FAT1: variants seen among roughly 807,000 people sequenced by gnomAD.
FAT1 encodes protocadherin Fat 1.
A neutral mutation model predicts 329.8 loss-of-function variants in FAT1; 171 were observed. The ratio of observed to expected loss-of-function variants is 0.52; its 90% CI spans 0.46 to 0.59. The LOEUF (loss-of-function observed/expected upper bound fraction) is 0.59, where lower values mean the gene tolerates loss of function less well. FAT1 is among the 20% of genes least tolerant of loss of function. The probability of loss-of-function intolerance (pLI) is 0.00; values close to 1 mark genes in which losing one functional copy is unlikely to be tolerated. For missense variants in FAT1, 5,672 were observed against 5,774.4 expected (o/e 0.98, Z 0.57); for synonymous variants, 2,233 against 2,228.6 (o/e 1.00, Z -0.06).
intron 26 of FAT1, among the ~76,000 whole-genome samples, chr4:186,590,977 C>A (rs1375507795): frequency 6.6e-6 from 1 of 152,234 alleles, no homozygotes; most frequent in African/African-American, 2.4e-5. Context: ...CCTAAAGAGA[C>A]CACGGCTACA....
Position 186,709,662 on chromosome 4 carries a change from G to A in FAT1, c.166C>T (p.Pro56Ser), listed in dbSNP as rs373030986. 1.2e-6 allele frequency: 2 copies of A among 1,613,826 alleles called. No homozygotes were observed. Among genetic ancestry groups the A allele is most frequent in the African/African-American group, 2.7e-5 (2 of 74,894 alleles). The change falls in exon 2 of 27, where the codon CCT becomes TCT. Residue 56 changes from proline (P) to serine (S), a missense_variant. Coordinates refer to ENST00000441802, the MANE Select transcript of FAT1 (RefSeq NM_005245.4). ...GTAATGTAAACACCCATCTTGACAG[G>A]ATGCCCCACATAAGTCTTAGCTGCA... ...NSAAKTYVGH[P>S]VKMGVYITHP...
intron 2 of FAT1, among the ~76,000 whole-genome samples, chr4:186,701,924 C>A (rs1390122601): frequency 3.9e-5 from 6 of 152,242 alleles, no homozygotes; most frequent in African/African-American, 1.4e-4. Context: ...AACGCACTCA[C>A]CTGTGTGCAC....
rs777478965 is a variant in FAT1 at position 186,620,761 on chromosome 4, G to A, written c.5825C>T (p.Thr1942Ile). The part of the protein sequence containing the change: ...KTGALTVQNT[T>I]QLRSRYELTV... Reference sequence around the variant, plus strand: ...TAGCTCGTAGCGGCTTCTTAACTGAGTTGTGTTTTGGACAGTGAGAGCACC... The same window carrying A: ...TAGCTCGTAGCGGCTTCTTAACTGAATTGTGTTTTGGACAGTGAGAGCACC... The change falls in exon 10 of 27, where the codon ACT (threonine) becomes ATT (isoleucine). Residue 1942 changes from threonine (T) to isoleucine (I), a missense_variant. Transcript: ENST00000441802. 8 of 1,613,910 alleles carry A rather than the reference G, an allele frequency of 5.0e-6. No individual in the cohort carries two copies. In the South Asian group the frequency reaches 7.7e-5, roughly 16 times the overall value.
intron 2 of FAT1, among the ~76,000 whole-genome samples, chr4:186,679,738 G>A (rs922049758): frequency 6.6e-6 from 1 of 152,182 alleles, no homozygotes; most frequent in Admixed American, 6.5e-5. Context: ...TTTAGAAGAT[G>A]ATTTTTGAAA....
At chr4:186,630,412 AG>A (rs1438224187) in intron 7 of FAT1, among the ~76,000 whole-genome samples, 5 of 152,176 alleles carry the variant, frequency 3.3e-5, no homozygotes, top group African/African-American at 1.2e-4. Context: ...GATACAGTAA[AG>A]GAGCAAGAAG....
At chr4:186,703,593 C>T (rs548559334) in intron 2 of FAT1, among the ~76,000 whole-genome samples, 42 of 152,320 alleles carry the variant, frequency 2.8e-4, no homozygotes, top group Middle Eastern at 3.4e-3. Flanking sequence ...GTCCCCAGAG[C>T]CACAGCACTC....
chr4:186,628,013 TA>T, intron 9 of FAT1, 140 bp downstream of exon 9: 3 of 922,420 alleles, frequency 3.3e-6, no homozygotes, highest in Non-Finnish European at 4.8e-6. Flanking sequence ...TCCTAACATG[TA>T]AAATTGTATC....
chr4:186,702,481 T>C (rs1660834763), intron 2 of FAT1, among the ~76,000 whole-genome samples: 1 of 152,214 alleles, frequency 6.6e-6, no homozygotes, highest in Admixed American at 6.5e-5. Flanking sequence ...TACTCTAGAC[T>C]GAAGGTCAAA....
chr4:186,720,645 G>T (rs1745431402), intron 1 of FAT1, among the ~76,000 whole-genome samples: 2 of 152,074 alleles, frequency 1.3e-5, no homozygotes, highest in Admixed American at 1.3e-4. Flanking sequence ...TTATCACACT[G>T]GTCTATAAGA....
At chr4:186,601,514 AT>A in intron 20 of FAT1, 88 bp from the exon 21 acceptor site, 1 of 1,029,842 alleles carries the variant, frequency 9.7e-7, no homozygotes, top group Non-Finnish European at 1.4e-6. Context: ...CTTGAGACTG[AT>A]TTAGGGTTTT....
In FAT1 at chr4:186,611,439, T is replaced by C. The variant is rs1739437000; in HGVS notation, c.9800A>G (p.Tyr3267Cys). The C allele has an allele frequency of 6.2e-7, 1 of 1,613,756 alleles. No homozygotes were observed. The highest frequency in any genetic ancestry group is 8.5e-7 in the Non-Finnish European group (1 of 1,179,816). Residue 3267 changes from tyrosine (Y) to cysteine (C), a missense_variant, in exon 14 of 27, where the codon TAC (tyrosine) becomes TGC (cysteine). By Grantham distance (194) the Tyr-to-Cys change is radical (BLOSUM62 -2). Transcript: ENST00000441802. ...RDIEANAEIT[Y>C]SIISGNEHGK... is the part of the protein sequence containing the mutation. ...ATGTTCATTTCCACTTATTATTGAG[T>C]AGGTGATTTCTGCATTTGCTTCAAT...
chr4:186,700,613 A>G (rs1360029965), intron 2 of FAT1, among the ~76,000 whole-genome samples: 1 of 152,008 alleles, frequency 6.6e-6, no homozygotes, highest in Non-Finnish European at 1.5e-5. Context: ...CCACTTCACT[A>G]GTCGTTTTTG....
chr4:186,660,083 A>G (rs1742097270), intron 3 of FAT1, among the ~76,000 whole-genome samples: 1 of 152,208 alleles, frequency 6.6e-6, no homozygotes, highest in Admixed American at 6.5e-5. Context: ...CTGGATTTCC[A>G]GCCCAGTGAT....
rs376150226 is a variant in FAT1, at chr4:186,628,614, G to A, written c.4473C>T (p.Tyr1491=). ...GTGGATCTCTACTGCTCTGCAGAGT[G>A]TAGATTAGTTTGTTTTTCTCATCCT... The part of the protein sequence containing the change: ...VDQDEKNKLI[Y]TLQSSRDPLS... Residue 1491 remains tyrosine, a synonymous_variant, in exon 8 of 27, where the codon TAC becomes TAT. Coordinates refer to ENST00000441802, the MANE Select transcript of FAT1 (RefSeq NM_005245.4). The A allele has an allele frequency of 1.2e-6, 2 of 1,613,986 alleles. No homozygotes were observed. Among genetic ancestry groups the A allele is most frequent in the African/African-American group, 2.7e-5 (2 of 75,036 alleles).
At chr4:186,626,628 G>A (rs1740319445) in intron 9 of FAT1, among the ~76,000 whole-genome samples, 1 of 125,800 alleles carries the variant, frequency 7.9e-6, no homozygotes, top group Non-Finnish European at 1.7e-5. Flanking sequence ...GGCACATAAA[G>A]TGAGCTTCAC....
rs1376436310 is a variant in FAT1 at position 186,614,280 on chromosome 4, G to A, written c.9140C>T (p.Ala3047Val). 1.2e-5 allele frequency: 20 copies of A among 1,600,196 alleles called. No individual in the cohort carries two copies. The highest frequency in any genetic ancestry group is 1.7e-5 in the Non-Finnish European group (20 of 1,175,184). ...LPGKLIMQISATDADIRSNAE... is the reference protein window; with the variant it reads ...LPGKLIMQISVTDADIRSNAE... ...GTTAGAGCGGATGTCTGCGTCTGTA[G>A]CAGAGATCTGCATGATCAATTTTCC... Residue 3047 changes from alanine to valine, a missense_variant, in exon 12 of 27, where the codon GCT (alanine) becomes GTT (valine). Physicochemically the swap from Ala to Val is moderately conservative, Grantham distance 64 (BLOSUM62 0). This residue lies in a region of FAT1 where 3,966 missense variants were observed against 3,915.2 expected (regional missense o/e 1.01). Transcript: ENST00000441802.
intron 2 of FAT1, among the ~76,000 whole-genome samples, chr4:186,705,335 ACT>A (rs1046162396): frequency 2.6e-5 from 4 of 151,274 alleles, no homozygotes; most frequent in Non-Finnish European, 2.9e-5. Flanking sequence ...TTGACTGAAG[ACT>A]CTCTTGTTTT....
intron 6 of FAT1, 90 bp from the exon 7 acceptor site, chr4:186,633,913 A>AATC: frequency 7.1e-7 from 1 of 1,410,910 alleles, no homozygotes; most frequent in Non-Finnish European, 9.8e-7. Flanking sequence ...GGCACTGAAA[A>AATC]ATCTTCTAAT....
intron 2 of FAT1, among the ~76,000 whole-genome samples, chr4:186,700,865 A>G (rs531506282): frequency 6.6e-6 from 1 of 152,098 alleles, no homozygotes; most frequent in Non-Finnish European, 1.5e-5. Flanking sequence ...TTATTACTAG[A>G]CTGGTGCTCA....
Sources: allele counts gnomAD v4.1 joint callset (sites outside exome capture counted in the v4.1 genomes callset), GRCh38; gene constraint gnomAD v4.1.1; regional missense constraint gnomAD v4.1.1; transcripts MANE v1.5; gene names NCBI Gene and HGNC (gene_info 2026-07-23, HGNC 2026-07-21).